Variants in DOCK6 observed in about 807,000 individuals in gnomAD.
The protein encoded by DOCK6 is dedicator of cytokinesis 6.
A neutral mutation model predicts 230.3 loss-of-function variants in DOCK6; 167 were observed. The observed-to-expected ratio is 0.73, with a 90% CI of 0.64 to 0.82. DOCK6 has a LOEUF of 0.82. DOCK6 is among the 40% of genes least tolerant of loss of function. DOCK6 has a pLI of 0.00. For synonymous variants in DOCK6, 1,148 were observed against 1,185.0 expected, an observed-to-expected ratio of 0.97 and a Z score of 0.64; for missense variants, 2,598 against 2,825.8, an observed-to-expected ratio of 0.92 and a Z score of 1.83.
At chr19:11,239,888 GC>G (rs747694751) in intron 14 of DOCK6, 3 of 1,594,946 alleles carry the variant, frequency 1.9e-6, no homozygotes, top group Non-Finnish European at 2.6e-6. Context: ...GTCAGCCGGG[GC>G]CGGGATGCAG....
At chr19:11,213,108 T>C in intron 35 of DOCK6, 68 bp downstream of exon 35, 1 of 1,554,448 alleles carries the variant, frequency 6.4e-7, no homozygotes, top group South Asian at 1.2e-5. Context: ...ACTCCCTGTA[T>C]GGTTGAGACC....
chr19:11,217,748 ACT>A (rs1169058199), intron 28 of DOCK6, among the ~76,000 whole-genome samples: 2 of 134,392 alleles, frequency 1.5e-5, no homozygotes, highest in East Asian at 4.4e-4. Context: ...ACAGAGCGAC[ACT>A]CTGTCTCAAA....
chr19:11,214,642 C>T lies in DOCK6; in HGVS notation c.4114G>A (p.Asp1372Asn), dbSNP rs781036510. ...QTSDRVDKTK[D>N]EMEHEALVEG... is the part of the protein sequence containing the mutation. ...ACCAAGGCCTCGTGTTCCATTTCAT[C>T]CTTGGTCCTGGAAGGGGAAAGGAGG... Residue 1372 changes from aspartate (D) to asparagine (N), a missense_variant, in exon 33 of 48, where the codon GAT becomes AAT. Transcript: ENST00000294618. 11 of 1,613,486 alleles carry T rather than the reference C, an allele frequency of 6.8e-6. No individual in the cohort carries two copies. Among genetic ancestry groups the T allele is most frequent in the African/African-American group, 4.0e-5 (3 of 74,922 alleles).
chr19:11,253,498 C>T, intron 2 of DOCK6, 141 bp downstream of exon 2: 1 of 509,022 alleles, frequency 2.0e-6, no homozygotes, highest in Non-Finnish European at 3.3e-6. Context: ...ACTCCCTCCC[C>T]CGACACTGCT....
At chr19:11,229,116 G>T in intron 22 of DOCK6, 81 bp from the exon 23 acceptor site, 1 of 1,415,628 alleles carries the variant, frequency 7.1e-7, no homozygotes, top group Non-Finnish European at 9.7e-7. Context: ...AGGGGAAGAT[G>T]CAGCTGGAGG....
chr19:11,202,983 A>G lies in DOCK6; in HGVS notation c.5236-274T>C, dbSNP rs2079196594. Among the ~76,000 whole-genome samples, 1 of 152,114 alleles carries G rather than the reference A, an allele frequency of 6.6e-6. No homozygotes were observed. The highest frequency in any genetic ancestry group is 2.4e-5 in the African/African-American group (1 of 41,416). On this transcript the variant is annotated intron_variant, in intron 41 of 47. Transcript: ENST00000294618. The surrounding 1 kb of genome is among the most constrained non-coding windows in gnomAD (Gnocchi z 5.3). Reference sequence around the variant, plus strand: ...CATGCATAGATGGCTGAGGAGAGGGATGGCTGTCTCTCACTCTAGGATGGA... The same window carrying G: ...CATGCATAGATGGCTGAGGAGAGGGGTGGCTGTCTCTCACTCTAGGATGGA...
In DOCK6 at chr19:11,238,187, C is replaced by T. The variant is rs772963420; in HGVS notation, c.1761G>A (p.Pro587=). 1.3e-5 allele frequency: 21 copies of T among 1,613,630 alleles called. No homozygotes were observed. Among genetic ancestry groups the T allele is most frequent in the East Asian group, 1.1e-4 (5 of 44,822 alleles). Residue 587 remains proline (P), a splice_region_variant and synonymous_variant, in exon 15 of 48, where the codon CCG becomes CCA. Transcript: ENST00000294618. ...CCTTCCCTGGGGCACAGCCACTGACCGGCAGAGCCTGGCTGGGGTCCTCGC... is the reference window on the plus strand; with the variant it reads ...CCTTCCCTGGGGCACAGCCACTGACTGGCAGAGCCTGGCTGGGGTCCTCGC... ...MTGEDPSQAL[P]VIFGKSSCSE... is the part of the protein sequence containing the mutation.
intron 7 of DOCK6, among the ~76,000 whole-genome samples, 173 bp from the exon 8 acceptor site, chr19:11,246,051 G>A (rs1038289928): frequency 6.6e-6 from 1 of 151,936 alleles, no homozygotes; most frequent in Non-Finnish European, 1.5e-5. Flanking sequence ...GGGAAACTGA[G>A]GCACTGAAGT....
At chr19:11,203,896 G>GC in intron 41 of DOCK6, 185 bp downstream of exon 41, 1 of 719,270 alleles carries the variant, frequency 1.4e-6, no homozygotes, top group South Asian at 1.9e-5. Context: ...GAGATCTGGG[G>GC]CGGGGGGTGG....
chr19:11,256,635 T>C (rs2080201876), intron 1 of DOCK6, among the ~76,000 whole-genome samples: 1 of 152,216 alleles, frequency 6.6e-6, no homozygotes, highest in Non-Finnish European at 1.5e-5. Context: ...CCTAGGCAGC[T>C]GGGATTTCTG....
chr19:11,254,681 C>G (rs1225251139), intron 1 of DOCK6, among the ~76,000 whole-genome samples: 1 of 144,142 alleles, frequency 6.9e-6, no homozygotes, highest in African/African-American at 2.6e-5. Context: ...GACTTTGTCT[C>G]GAAAAAAAAA....
chr19:11,203,859 C>T, intron 41 of DOCK6: 1 of 619,960 alleles, frequency 1.6e-6, no homozygotes, highest in Non-Finnish European at 2.8e-6. Context: ...GGAGAGCTCC[C>T]AGCTGGGTGA....
chr19:11,225,530 C>A (rs578174529), intron 24 of DOCK6, among the ~76,000 whole-genome samples: 4 of 151,960 alleles, frequency 2.6e-5, no homozygotes, highest in Non-Finnish European at 2.9e-5. Flanking sequence ...TACACACACA[C>A]ACACACACAA....
At position 11,238,073 on chromosome 19, in the gene DOCK6, C is replaced by A. The variant is rs746927552; in HGVS notation, c.1804G>T (p.Ala602Ser). 1.9e-6 allele frequency: 3 copies of A among 1,613,914 alleles called. No homozygotes were observed. The highest frequency in any genetic ancestry group is 2.2e-5 in the East Asian group (1 of 44,886). Residue 602 changes from alanine (A) to serine (S), a missense_variant, in exon 16 of 48, where the codon GCC (alanine) becomes TCC (serine). By Grantham distance (99) the Ala-to-Ser change is moderately conservative. Coordinates refer to ENST00000294618, the MANE Select transcript of DOCK6 (RefSeq NM_020812.4). Reference sequence around the variant, plus strand: ...TTATGGTAGACCACCGGTGTGAAGGCCTCGCGGGTAAATTCACTGCAGCTG... The same window carrying A: ...TTATGGTAGACCACCGGTGTGAAGGACTCGCGGGTAAATTCACTGCAGCTG... ...KSSCSEFTRE[A>S]FTPVVYHNKS... is the part of the protein sequence containing the mutation.
At position 11,217,233 on chromosome 19, in the gene DOCK6, T is replaced by C. The variant is rs1309884183; in HGVS notation, c.3709A>G (p.Thr1237Ala). ...TGGGGACAAGCCTCCCTACTCACCG[T>C]TGGTGGCCCCTGGGAGATGCTGGCC... ...SRASISQGPP[T>A]ASRAGCALSA... The change falls in exon 29 of 48, where the codon ACG (threonine) becomes GCG (alanine). Residue 1237 changes from threonine (T) to alanine (A), a missense_variant and splice_region_variant. Transcript: ENST00000294618. 6.2e-6 allele frequency: 10 copies of C among 1,612,098 alleles called. No individual in the cohort carries two copies. The Admixed American group carries it at 1.2e-4, about 19-fold the overall frequency.
intron 37 of DOCK6, among the ~76,000 whole-genome samples, chr19:11,209,962 C>T (rs1485511489): frequency 2.4e-5 from 3 of 124,800 alleles, no homozygotes; most frequent in African/African-American, 6.1e-5. Flanking sequence ...CTCTCACCTG[C>T]CCGCCCTCAC....
chr19:11,221,816 G>T, intron 28 of DOCK6, 35 bp downstream of exon 28: 1 of 1,613,312 alleles, frequency 6.2e-7, no homozygotes, highest in South Asian at 1.1e-5. Flanking sequence ...CAAGTCCCTG[G>T]ATCATGTGAC....
chr19:11,237,572 G>A lies in DOCK6; in HGVS notation c.1972-15C>T, dbSNP rs2079869038. The A allele has an allele frequency of 1.2e-6, 2 of 1,610,154 alleles. No individual in the cohort carries two copies. ...AGTGGGATCCACTGGGGAGAGGCTG[G>A]AGGTCAGGTCTGCGGCCAGGTTGGG... is the stretch of plus-strand genomic sequence containing the variant. On this transcript the variant is annotated splice_polypyrimidine_tract_variant and intron_variant, in intron 17 of 47. Transcript: ENST00000294618.
In DOCK6 at chr19:11,199,507, G is replaced by C; in HGVS notation, c.6134C>G (p.Ala2045Gly). Residue 2045 changes from alanine to glycine, a missense_variant, in exon 48 of 48, where the codon GCA (alanine) becomes GGA (glycine). Physicochemically the swap from Ala to Gly is moderately conservative, Grantham distance 60 (BLOSUM62 0). Transcript: ENST00000294618. ...TTGGTCCTTGTGGGCTCAGAGGTCT[G>C]CCTTTCGGAAACTTGCTCTGTTCAA... ...NSLNRASFRK[A>G]DL is the part of the protein sequence containing the mutation. 1 of 1,583,738 alleles carries C rather than the reference G, an allele frequency of 6.3e-7. No homozygotes were observed.
Sources: allele counts gnomAD v4.1 joint callset (sites outside exome capture counted in the v4.1 genomes callset), GRCh38; gene constraint gnomAD v4.1.1; non-coding constraint Gnocchi (gnomAD v3.1); transcripts MANE v1.5; gene names NCBI Gene and HGNC (gene_info 2026-07-23, HGNC 2026-07-21).